The following GRIP1 variants were observed in gnomAD, a reference collection of about 807,000 sequenced individuals.
GRIP1 encodes the protein glutamate receptor interacting protein 1, also known as glutamate receptor-interacting protein 1.
Under a neutral mutation model 129.9 loss-of-function variants are expected in GRIP1, and 45 were observed. The ratio of observed to expected loss-of-function variants is 0.35; its 90% confidence interval spans 0.27 to 0.44. GRIP1 has a LOEUF of 0.44. Ranked by LOEUF, GRIP1 falls within the 20% of genes least tolerant of loss-of-function variation. The pLI, the probability that GRIP1 is intolerant of heterozygous loss-of-function variation, is 1.00. For synonymous variants in GRIP1, 530 were observed against 520.8 expected, an observed-to-expected ratio of 1.02 and a Z score of -0.24; for missense variants, 1,196 against 1,396.8, an observed-to-expected ratio of 0.86 and a Z score of 2.29.
chr12:66,673,563 A>G (rs1006919386), intron 1 of GRIP1, among the ~76,000 whole-genome samples: 1 of 152,182 alleles, frequency 6.6e-6, no homozygotes, highest in African/African-American at 2.4e-5. Flanking sequence ...CTAGCATCCA[A>G]TTCCCATTTG....
chr12:66,930,200 C>A (rs1325002691), intron 1 of GRIP1, among the ~76,000 whole-genome samples: 1 of 143,640 alleles, frequency 7.0e-6, no homozygotes, highest in African/African-American at 2.5e-5. Context: ...TGGTGCGCTG[C>A]ACCCACTAAC....
At chr12:66,714,530 T>A (rs1302648218) in intron 1 of GRIP1, among the ~76,000 whole-genome samples, 2 of 152,094 alleles carry the variant, frequency 1.3e-5, no homozygotes, top group Non-Finnish European at 2.9e-5. Flanking sequence ...TTGTTTGTAA[T>A]TATACTAAAT....
At chr12:66,806,757 ACT>A (rs985000512), upstream of GRIP1, among the ~76,000 whole-genome samples, 9 of 151,756 alleles carry the variant, frequency 5.9e-5, no homozygotes, top group Non-Finnish European at 1.2e-4. Flanking sequence ...TACATACCAA[ACT>A]CTGTTTTCAG....
At chr12:66,966,271 G>A (rs1409368725) in intron 1 of GRIP1, among the ~76,000 whole-genome samples, 1 of 152,054 alleles carries the variant, frequency 6.6e-6, no homozygotes, top group Non-Finnish European at 1.5e-5. Flanking sequence ...ACATGAGTAG[G>A]TATACTTACA....
intron 4 of GRIP1, among the ~76,000 whole-genome samples, chr12:66,531,253 AT>A (rs374417516): frequency 0.08 from 1,366 of 17,056 alleles, 32 homozygotes; most frequent in East Asian, 0.12. Flanking sequence ...AAAAAAAAAA[AT>A]ATATATATAT....
chr12:66,821,476 G>A (rs952419489), intron 1 of GRIP1, among the ~76,000 whole-genome samples: 4 of 152,086 alleles, frequency 2.6e-5, no homozygotes, highest in African/African-American at 4.8e-5. Context: ...CTTGCTTTGT[G>A]ATGTAAGAAA....
At chr12:66,596,353 G>A (rs1292361190) in intron 2 of GRIP1, among the ~76,000 whole-genome samples, 1 of 152,148 alleles carries the variant, frequency 6.6e-6, no homozygotes, top group Non-Finnish European at 1.5e-5. Flanking sequence ...ACAATAATAT[G>A]ACTCACACTT....
intron 1 of GRIP1, among the ~76,000 whole-genome samples, chr12:66,937,429 C>T (rs141414183): frequency 1.3e-5 from 2 of 152,280 alleles, no homozygotes; most frequent in African/African-American, 2.4e-5. Context: ...TAGAAAAGTG[C>T]ATAACAAATA....
intron 11 of GRIP1, 94 bp downstream of exon 11, chr12:66,455,315 G>A: frequency 8.5e-7 from 1 of 1,178,524 alleles, no homozygotes; most frequent in Non-Finnish European, 1.3e-6. Flanking sequence ...TTAAGCAACT[G>A]TGAAACACTC....
At chr12:66,448,645 T>C (rs1223766328) in intron 11 of GRIP1, among the ~76,000 whole-genome samples, 1 of 152,148 alleles carries the variant, frequency 6.6e-6, no homozygotes, top group Non-Finnish European at 1.5e-5. Context: ...CCACAAACTG[T>C]CTCATTGGCT....
chr12:66,988,701 C>A (rs1426699931), intron 1 of GRIP1, among the ~76,000 whole-genome samples: 1 of 152,028 alleles, frequency 6.6e-6, no homozygotes, highest in East Asian at 1.9e-4. Flanking sequence ...TTAAATAATA[C>A]CTGGTTGAGT....
chr12:66,511,875 C>T (rs2060708879), intron 7 of GRIP1, among the ~76,000 whole-genome samples: 1 of 152,068 alleles, frequency 6.6e-6, no homozygotes, highest in Non-Finnish European at 1.5e-5. Context: ...TATAGTTTGG[C>T]TTTGTGTTCC....
intron 7 of GRIP1, among the ~76,000 whole-genome samples, chr12:66,476,354 T>C (rs1000049831): frequency 1.3e-5 from 2 of 152,160 alleles, no homozygotes; most frequent in Admixed American, 6.5e-5. Context: ...TAACAGGCTC[T>C]GAAATTGAAG....
chr12:66,807,525 T>A (rs1329130048), upstream of GRIP1, among the ~76,000 whole-genome samples: 1 of 151,930 alleles, frequency 6.6e-6, no homozygotes, highest in Non-Finnish European at 1.5e-5. Context: ...TACAAAAAAA[T>A]TAGCCAGGCA....
chr12:67,068,878 A>G (rs2043683875), intron 1 of GRIP1, among the ~76,000 whole-genome samples: 1 of 64,314 alleles, frequency 1.6e-5, no homozygotes, highest in South Asian at 6.6e-4. Context: ...CGCAAAAAAA[A>G]TGAATCAGAG....
rs140759321 is a variant in GRIP1, at chr12:66,369,618, C to A, written c.3012+2076G>T. ...TGTAAAGTACATAGCACTTGCTAGG[C>A]ACTCATTATGTGTTGATATGGATTC... On this transcript the variant is annotated intron_variant, in intron 23 of 24. Transcript: ENST00000359742. Among the ~76,000 whole-genome samples the A allele has an allele frequency of 2.8e-3, 422 of 152,194 alleles. 5 individuals carry two copies. The highest frequency in any genetic ancestry group is 8.9e-3 in the African/African-American group (369 of 41,514).
At chr12:66,760,261 C>T (rs2037431767) in intron 1 of GRIP1, among the ~76,000 whole-genome samples, 2 of 152,280 alleles carry the variant, frequency 1.3e-5, no homozygotes, top group South Asian at 2.1e-4. Context: ...TCAACCTCTG[C>T]CTGTTACCCA....
At chr12:66,896,610 T>C (rs2137252568) in intron 1 of GRIP1, among the ~76,000 whole-genome samples, 1 of 152,268 alleles carries the variant, frequency 6.6e-6, no homozygotes. Context: ...CTTTTGCATA[T>C]GAATGGCTAC....
intron 1 of GRIP1, among the ~76,000 whole-genome samples, chr12:66,987,812 C>T (rs1366702977): frequency 6.6e-6 from 1 of 152,162 alleles, no homozygotes; most frequent in Non-Finnish European, 1.5e-5. Context: ...CCCTTCTCAG[C>T]CCCTCTTTTC....
Sources: allele counts gnomAD v4.1 joint callset (sites outside exome capture counted in the v4.1 genomes callset), GRCh38; gene constraint gnomAD v4.1.1; transcripts MANE v1.5; gene names NCBI Gene and HGNC (gene_info 2026-07-23, HGNC 2026-07-21).